RABGAP1: variants seen among roughly 807,000 people sequenced by gnomAD.
RABGAP1 encodes the protein rab GTPase-activating protein 1.
RABGAP1 carries 23 observed loss-of-function variants against 137.6 expected under a neutral mutation model. The observed-to-expected ratio is 0.17, with a 90% confidence interval of 0.12 to 0.24. The LOEUF (loss-of-function observed/expected upper bound fraction) is 0.24. RABGAP1 is among the 10% of genes least tolerant of loss of function. RABGAP1 has a pLI of 1.00. For missense variants in RABGAP1, 906 were observed against 1,275.8 expected, an observed-to-expected ratio of 0.71 and a Z score of 4.42; for synonymous variants, 451 against 450.7, an observed-to-expected ratio of 1.00 and a Z score of -0.01.
chr9:122,948,042 A>AACAC (rs55683114), intron 1 of RABGAP1, among the ~76,000 whole-genome samples: 6,420 of 145,920 alleles, frequency 0.044, 253 homozygotes, highest in African/African-American at 0.11. Context: ...GAGCCAGGAA[A>AACAC]ACACACACAC....
At chr9:122,976,108 C>G (rs531395803) in intron 2 of RABGAP1, among the ~76,000 whole-genome samples, 1 of 152,264 alleles carries the variant, frequency 6.6e-6, no homozygotes, top group East Asian at 1.9e-4. Context: ...GCTATGTAAG[C>G]AGAATTATGA....
chr9:122,978,932 C>T (rs149851943), intron 2 of RABGAP1, among the ~76,000 whole-genome samples: 193 of 151,794 alleles, frequency 1.3e-3, no homozygotes, highest in African/African-American at 4.3e-3. Flanking sequence ...TAAACAGGGT[C>T]TTGCTGTGTT....
intron 19 of RABGAP1, among the ~76,000 whole-genome samples, chr9:123,079,814 T>A (rs1386100111): frequency 6.6e-6 from 1 of 152,040 alleles, no homozygotes; most frequent in Non-Finnish European, 1.5e-5. Flanking sequence ...AATTGCAGTA[T>A]CTAAAGTAGC....
chr9:123,047,316 G>A (rs2033249000), intron 13 of RABGAP1, among the ~76,000 whole-genome samples: 3 of 152,144 alleles, frequency 2.0e-5, no homozygotes, highest in Non-Finnish European at 2.9e-5. Context: ...TAATTGTACT[G>A]CTAGTGAGTT....
At chr9:123,034,625 G>T (rs2032509692) in intron 13 of RABGAP1, 1 of 1,613,788 alleles carries the variant, frequency 6.2e-7, no homozygotes, top group Non-Finnish European at 8.5e-7. Flanking sequence ...TTGGCATTTG[G>T]CTATTTGGAA....
intron 6 of RABGAP1, among the ~76,000 whole-genome samples, chr9:122,991,348 C>G (rs1379875644): frequency 6.6e-6 from 1 of 152,114 alleles, no homozygotes; most frequent in Non-Finnish European, 1.5e-5. Flanking sequence ...TCCTCCATGA[C>G]TACCTCATTA....
chr9:123,097,655 A>G, intron 21 of RABGAP1, 86 bp from the exon 22 acceptor site: 1 of 1,131,586 alleles, frequency 8.8e-7, no homozygotes, highest in South Asian at 1.5e-5. Context: ...TTTCCCCATC[A>G]TCTTAAAATG....
chr9:123,014,038 G>A (rs2031028265), intron 11 of RABGAP1, among the ~76,000 whole-genome samples: 2 of 152,170 alleles, frequency 1.3e-5, no homozygotes, highest in Admixed American at 1.3e-4. Flanking sequence ...TTAAAAATAT[G>A]CATTCTTTTT....
chr9:123,048,319 G>A (rs554461522), intron 13 of RABGAP1, among the ~76,000 whole-genome samples: 29 of 152,208 alleles, frequency 1.9e-4, no homozygotes, highest in African/African-American at 6.3e-4. Context: ...AGCTAACTTT[G>A]TAAAGTAAAA....
chr9:123,056,614 A>G (rs1411900879), intron 13 of RABGAP1, among the ~76,000 whole-genome samples: 10 of 151,304 alleles, frequency 6.6e-5, no homozygotes, highest in African/African-American at 9.8e-5. Context: ...TTTCCTAGGC[A>G]GAGGACCCTG....
chr9:122,967,175 G>A (rs995511845), intron 2 of RABGAP1, among the ~76,000 whole-genome samples: 41 of 152,228 alleles, frequency 2.7e-4, no homozygotes, highest in Non-Finnish European at 2.9e-5. Flanking sequence ...TAGATAATAA[G>A]TGAAAAGTAA....
chr9:122,985,505 G>C (rs1836321379), intron 3 of RABGAP1, among the ~76,000 whole-genome samples: 1 of 151,934 alleles, frequency 6.6e-6, no homozygotes, highest in Non-Finnish European at 1.5e-5. Context: ...ACAGCTACTT[G>C]GGAGGCTGAG....
intron 5 of RABGAP1, 82 bp from the exon 6 acceptor site, chr9:122,989,974 C>T: frequency 1.5e-6 from 2 of 1,374,216 alleles, no homozygotes; most frequent in Non-Finnish European, 2.0e-6. Context: ...TATTGCCCTC[C>T]AAAGTAGGTA....
rs1011724660 is a variant in RABGAP1 at position 123,070,506 on chromosome 9, A to G, written c.1983+82A>G. 28 of 1,603,868 alleles carry G rather than the reference A, an allele frequency of 1.7e-5. No homozygotes were observed. The highest frequency in any genetic ancestry group is 1.7e-4 in the Admixed American group (10 of 59,140). ...ACCTTAGGCTTGAGCATGGTTTTAT[A>G]TTGGGTTTGGACAGACTCTTAAGGC... On this transcript the variant is annotated intron_variant, in intron 15 of 25. Coordinates refer to ENST00000373647, the MANE Select transcript of RABGAP1 (RefSeq NM_012197.4). This position sits in a 1 kb window ranked among gnomAD's most constrained non-coding sequence, Gnocchi z 4.4.
intron 19 of RABGAP1, among the ~76,000 whole-genome samples, chr9:123,077,578 T>C (rs2132163755): frequency 6.6e-6 from 1 of 151,626 alleles, no homozygotes; most frequent in African/African-American, 2.4e-5. Flanking sequence ...AGTAAAAAGG[T>C]ATAGGATCTT....
At chr9:122,995,796 T>C (rs1203631976) in intron 6 of RABGAP1, among the ~76,000 whole-genome samples, 2 of 152,188 alleles carry the variant, frequency 1.3e-5, no homozygotes, top group African/African-American at 4.8e-5. Flanking sequence ...CTCGAACTCC[T>C]GACCTCAAGT....
At chr9:123,053,772 A>G (rs1438277395) in intron 13 of RABGAP1, among the ~76,000 whole-genome samples, 1 of 152,222 alleles carries the variant, frequency 6.6e-6, no homozygotes. Context: ...TACTCTGGAA[A>G]TAATAATTTT....
intron 13 of RABGAP1, chr9:123,034,544 G>A (rs1359173497): frequency 6.7e-7 from 1 of 1,498,326 alleles, no homozygotes. Context: ...AGCATGAAGT[G>A]ACAGATCACT....
intron 13 of RABGAP1, among the ~76,000 whole-genome samples, chr9:123,050,431 C>A (rs1368361100): frequency 2.0e-5 from 3 of 152,232 alleles, no homozygotes; most frequent in African/African-American, 7.2e-5. Flanking sequence ...AAAATCCCTG[C>A]TGTTGCACTG....
Sources: gnomAD v4.1 joint callset for allele counts (sites outside exome capture counted in the v4.1 genomes callset) on GRCh38, gnomAD v4.1.1 for gene constraint, Gnocchi (gnomAD v3.1) non-coding constraint, MANE v1.5 for transcripts, NCBI Gene and HGNC (gene_info 2026-07-23, HGNC 2026-07-21) for gene names.